Variants in MINDY3 observed in about 807,000 individuals in gnomAD.
MINDY3 encodes MINDY lysine 48 deubiquitinase 3.
A neutral mutation model predicts 69.2 loss-of-function variants in MINDY3; 38 were observed. The observed-to-expected ratio is 0.55, with a 90% CI of 0.42 to 0.72. The LOEUF (loss-of-function observed/expected upper bound fraction) is 0.72. Ranked by LOEUF, MINDY3 falls within the 30% of genes least tolerant of loss-of-function variation. The pLI is 0.00. For missense variants in MINDY3, 522 were observed against 519.0 expected, an observed-to-expected ratio of 1.01 and a Z score of -0.06; for synonymous variants, 192 against 180.1, an observed-to-expected ratio of 1.07 and a Z score of -0.53.
In MINDY3 at chr10:15,860,386, G is replaced by T; in HGVS notation, c.-87C>A. ...GGCAACTCCGGAAACAGCAGCTGCG[G>T]GACGGCGGCGGCAAACGAATTGGAA... On this transcript the variant is annotated 5_prime_UTR_variant, in exon 1 of 15. Coordinates refer to ENST00000277632, the MANE Select transcript of MINDY3 (RefSeq NM_024948.4). The T allele has an allele frequency of 2.1e-6, 2 of 958,774 alleles. No homozygotes were observed. Among genetic ancestry groups the T allele is most frequent in the Admixed American group, 2.1e-5 (1 of 47,248 alleles). The allele number at this position is 958,774 out of a possible 1,614,324, so 59.4% of individuals were successfully genotyped here. A position where few individuals can be genotyped will look rare whatever the true frequency, so the allele number is the denominator to read the frequency against.
At chr10:15,821,749 CA>C (rs758272069) in intron 8 of MINDY3, 23 bp from the exon 9 acceptor site, 1 of 1,590,270 alleles carries the variant, frequency 6.3e-7, no homozygotes, top group Non-Finnish European at 8.6e-7. Flanking sequence ...ACAACAACAA[CA>C]AAAAACGAAA....
rs1564456870 is a variant in MINDY3 at position 15,789,338 on chromosome 10, G to C, written c.956-19C>G. 1.9e-6 allele frequency: 3 copies of C among 1,573,502 alleles called. No individual in the cohort carries two copies. Among genetic ancestry groups the C allele is most frequent in the Non-Finnish European group, 2.6e-6 (3 of 1,145,776 alleles). ...CCATTATCTAGGGGGGAAAAAATCA[G>C]AAACAACTTGAAATAAGAATTTACT... On this transcript the variant is annotated intron_variant, in intron 11 of 14. Coordinates refer to ENST00000277632, the MANE Select transcript of MINDY3 (RefSeq NM_024948.4).
chr10:15,809,614 G>T (rs909898998), intron 10 of MINDY3, among the ~76,000 whole-genome samples: 1 of 152,000 alleles, frequency 6.6e-6, no homozygotes, highest in African/African-American at 2.4e-5. Flanking sequence ...GTCCATTTAC[G>T]TACTGCATTT....
At chr10:15,805,233 A>G (rs889579295) in intron 10 of MINDY3, among the ~76,000 whole-genome samples, 2 of 152,186 alleles carry the variant, frequency 1.3e-5, no homozygotes, top group African/African-American at 4.8e-5. Context: ...TCATGACAGC[A>G]GATTGCTCTT....
chr10:15,782,375 T>G (rs1264927669), intron 13 of MINDY3, 149 bp from the exon 14 acceptor site: 3 of 582,314 alleles, frequency 5.2e-6, no homozygotes, highest in Non-Finnish European at 8.8e-6. Context: ...TTTATGGAGT[T>G]GTAACTACCA....
chr10:15,841,450 A>C lies in MINDY3; in HGVS notation c.385T>G (p.Ser129Ala). ...TASISGSPAE[S>A]SCQVEHSSAL... ...CAAGAATGTTCCACTTGGCAACTAG[A>C]CTCTGCAGGACTCCCAGAAATACTA... The change falls in exon 4 of 15, where the codon TCT becomes GCT. Residue 129 changes from serine (S) to alanine (A), a missense_variant. Physicochemically the swap from Ser to Ala is moderately conservative, Grantham distance 99 (BLOSUM62 1). Coordinates refer to ENST00000277632, the MANE Select transcript of MINDY3 (RefSeq NM_024948.4). 6.2e-7 allele frequency: 1 copy of C among 1,610,386 alleles called. No individual in the cohort carries two copies.
intron 11 of MINDY3, among the ~76,000 whole-genome samples, chr10:15,792,587 T>C (rs185247389): frequency 3.3e-5 from 5 of 151,348 alleles, no homozygotes; most frequent in Admixed American, 3.3e-4. Context: ...GCCTAGGGAG[T>C]GGTGTATATT....
In MINDY3 at chr10:15,841,480, T is replaced by C. The variant is rs2132088098; in HGVS notation, c.355A>G (p.Thr119Ala). 6.2e-7 allele frequency: 1 copy of C among 1,612,056 alleles called. No homozygotes were observed. Among genetic ancestry groups the C allele is most frequent in the Non-Finnish European group, 8.5e-7 (1 of 1,178,636 alleles). Reference protein sequence around the residue: ...SWLRGKTTEETASISGSPAES... With the variant: ...SWLRGKTTEEAASISGSPAES... ...GCAGGACTCCCAGAAATACTAGCAG[T>C]TTCCTCAGTTGTCTTTCCTCTTAAC... Residue 119 changes from threonine to alanine, a missense_variant, in exon 4 of 15, where the codon ACT (threonine) becomes GCT (alanine). By Grantham distance (58) the Thr-to-Ala change is moderately conservative (BLOSUM62 0). Transcript: ENST00000277632.
chr10:15,832,091 T>C (rs1840506785), intron 8 of MINDY3, among the ~76,000 whole-genome samples: 1 of 152,108 alleles, frequency 6.6e-6, no homozygotes, highest in South Asian at 2.1e-4. Flanking sequence ...CAGAAGAGTA[T>C]TCTGGTTTGG....
chr10:15,833,571 CTG>C (rs1832875331), intron 8 of MINDY3, 57 bp downstream of exon 8: 1 of 1,070,964 alleles, frequency 9.3e-7, no homozygotes, highest in Admixed American at 1.7e-5. Context: ...TAATAATCAG[CTG>C]TATTCCAATG....
At chr10:15,828,413 CG>C (rs1564503836) in intron 8 of MINDY3, among the ~76,000 whole-genome samples, 1 of 151,888 alleles carries the variant, frequency 6.6e-6, no homozygotes, top group African/African-American at 2.4e-5. Context: ...CTAGGGCTGG[CG>C]TGGAAGGAAG....
chr10:15,816,401 T>C (rs1302919179), intron 10 of MINDY3, among the ~76,000 whole-genome samples: 1 of 152,042 alleles, frequency 6.6e-6, no homozygotes, highest in Non-Finnish European at 1.5e-5. Flanking sequence ...AAAAGAGCAT[T>C]TGACTTTAAT....
At chr10:15,854,471 A>G (rs1183346618) in intron 1 of MINDY3, among the ~76,000 whole-genome samples, 1 of 152,244 alleles carries the variant, frequency 6.6e-6, no homozygotes, top group South Asian at 2.1e-4. Flanking sequence ...AAATTTTTTG[A>G]GTTGAAGTCC....
chr10:15,824,661 C>T (rs1839974322), intron 8 of MINDY3, among the ~76,000 whole-genome samples: 1 of 152,136 alleles, frequency 6.6e-6, no homozygotes, highest in African/African-American at 2.4e-5. Context: ...AAAAAGAATA[C>T]ATACATTGGG....
At chr10:15,794,727 T>C (rs1837676009) in intron 11 of MINDY3, among the ~76,000 whole-genome samples, 1 of 151,972 alleles carries the variant, frequency 6.6e-6, no homozygotes, top group Admixed American at 6.6e-5. Flanking sequence ...TAAAAGAAAA[T>C]AAATAGTACA....
intron 8 of MINDY3, among the ~76,000 whole-genome samples, chr10:15,832,238 C>G (rs1293650817): frequency 6.6e-6 from 1 of 152,060 alleles, no homozygotes; most frequent in Non-Finnish European, 1.5e-5. Flanking sequence ...TAAGAAGTAT[C>G]AAGGACAGAG....
At chr10:15,843,724 C>T (rs910062817) in intron 2 of MINDY3, among the ~76,000 whole-genome samples, 41 of 152,206 alleles carry the variant, frequency 2.7e-4, no homozygotes, top group African/African-American at 9.1e-4. Flanking sequence ...AGAGTCATCA[C>T]TTTATTATCA....
intron 12 of MINDY3, among the ~76,000 whole-genome samples, chr10:15,788,396 A>G (rs1481657449): frequency 1.3e-5 from 2 of 152,160 alleles, no homozygotes; most frequent in African/African-American, 2.4e-5. Context: ...GCATACTTTC[A>G]AAGAAAGTAT....
intron 8 of MINDY3, among the ~76,000 whole-genome samples, chr10:15,828,931 T>C (rs2132035329): frequency 6.6e-6 from 1 of 152,352 alleles, no homozygotes; most frequent in African/African-American, 2.4e-5. Flanking sequence ...TTTACCTCTC[T>C]AGGCTTCAGT....
Sources: gnomAD v4.1 joint callset for allele counts (sites outside exome capture counted in the v4.1 genomes callset) on GRCh38, gnomAD v4.1.1 for gene constraint, MANE v1.5 for transcripts, NCBI Gene and HGNC (gene_info 2026-07-23, HGNC 2026-07-21) for gene names.